TMEM131L: variants seen among roughly 807,000 people sequenced by gnomAD.
The protein encoded by TMEM131L is transmembrane 131 like.
TMEM131L carries 54 observed loss-of-function variants against 192.2 expected under a neutral mutation model. The ratio of observed to expected loss-of-function variants is 0.28; its 90% CI spans 0.23 to 0.35. The LOEUF (loss-of-function observed/expected upper bound fraction) is 0.35, where lower values mean the gene tolerates loss of function less well. TMEM131L is among the 10% of genes least tolerant of loss of function. The pLI, the probability that TMEM131L is intolerant of heterozygous loss-of-function variation, is 1.00. For synonymous variants in TMEM131L, 701 were observed against 704.9 expected (o/e 0.99, Z 0.09); for missense variants, 1,888 against 1,972.9 (o/e 0.96, Z 0.82).
intron 3 of TMEM131L, among the ~76,000 whole-genome samples, chr4:153,486,983 T>C (rs191861563): frequency 6.6e-6 from 1 of 152,190 alleles, no homozygotes; most frequent in Non-Finnish European, 1.5e-5. Flanking sequence ...CGAAGCCTGG[T>C]CCAGGGACCT....
intron 3 of TMEM131L, among the ~76,000 whole-genome samples, chr4:153,475,650 G>A (rs1342067254): frequency 2.0e-5 from 3 of 151,796 alleles, no homozygotes; most frequent in East Asian, 1.9e-4. Context: ...TTCTGCATTC[G>A]TGGATTCAAC....
chr4:153,622,794 A>C (rs1261218442), intron 28 of TMEM131L, 104 bp from the exon 29 acceptor site: 2 of 1,072,086 alleles, frequency 1.9e-6, no homozygotes, highest in Admixed American at 3.6e-5. Context: ...AGGTAGCTGA[A>C]GGTGAACCTG....
chr4:153,612,059 T>C lies in TMEM131L; in HGVS notation c.3419-193T>C, dbSNP rs77113783. On this transcript the variant is annotated intron_variant, in intron 25 of 34. Transcript: ENST00000409959. ...CCCTTGACCTCTTTTAAAGACTTTT[T>C]GTAGAACTCTTAATATAAGTATACT... 2.2e-3 allele frequency among the ~76,000 whole-genome samples: 342 copies of C among 152,334 alleles called. 5 individuals carry two copies. The highest frequency in any genetic ancestry group is 7.5e-3 in the African/African-American group (313 of 41,584).
chr4:153,492,659 T>C (rs1410399272), intron 3 of TMEM131L, among the ~76,000 whole-genome samples: 1 of 152,210 alleles, frequency 6.6e-6, no homozygotes, highest in East Asian at 1.9e-4. Context: ...ATAAACACAG[T>C]CTGTGCTCTG....
At chr4:153,539,351 A>G (rs1580168145) in intron 3 of TMEM131L, among the ~76,000 whole-genome samples, 2 of 152,222 alleles carry the variant, frequency 1.3e-5, no homozygotes, top group South Asian at 2.1e-4. Flanking sequence ...GTTATATTAT[A>G]TAAGTGAGCT....
At chr4:153,611,387 G>T (rs1336542915) in intron 25 of TMEM131L, among the ~76,000 whole-genome samples, 1 of 152,204 alleles carries the variant, frequency 6.6e-6, no homozygotes, top group African/African-American at 2.4e-5. Flanking sequence ...AAACTAATTA[G>T]TGGCTGTCGT....
intron 3 of TMEM131L, among the ~76,000 whole-genome samples, chr4:153,493,190 C>CA (rs1191418424): frequency 6.7e-6 from 1 of 150,082 alleles, no homozygotes; most frequent in African/African-American, 2.5e-5. Context: ...ACTAAAAATA[C>CA]AAAAAATTAG....
intron 7 of TMEM131L, among the ~76,000 whole-genome samples, chr4:153,572,882 C>T (rs1219356388): frequency 6.6e-6 from 1 of 152,204 alleles, no homozygotes; most frequent in Non-Finnish European, 1.5e-5. Flanking sequence ...ATTATTCTCC[C>T]TGGCAACCAC....
chr4:153,578,556 T>C (rs1730119532), intron 7 of TMEM131L, among the ~76,000 whole-genome samples: 1 of 150,044 alleles, frequency 6.7e-6, no homozygotes, highest in Admixed American at 6.6e-5. Context: ...AGTCTCGTTC[T>C]GTCGCCCAGG....
chr4:153,475,193 T>C (rs2149751828), intron 3 of TMEM131L, among the ~76,000 whole-genome samples: 1 of 152,292 alleles, frequency 6.6e-6, no homozygotes, highest in South Asian at 2.1e-4. Flanking sequence ...CCACTCTGAT[T>C]GGATGACAAA....
Position 153,545,290 on chromosome 4 carries a change from CT to C in TMEM131L, c.240-4768del, listed in dbSNP as rs59852943. On this transcript the variant is annotated intron_variant, in intron 3 of 34. Coordinates refer to ENST00000409959, the MANE Select transcript of TMEM131L (RefSeq NM_001131007.2). ...CTCTTGTATCAGCCACTTTTTCAAACTTTTTTTTTTTTTTTGAGATGGAGTC... is the reference window on the plus strand; with the variant it reads ...CTCTTGTATCAGCCACTTTTTCAAACTTTTTTTTTTTTTTGAGATGGAGTC... Among the ~76,000 whole-genome samples, 1,139 of 132,208 alleles carry C rather than the reference CT, an allele frequency of 8.6e-3. 34 individuals are homozygous for C. Among genetic ancestry groups the C allele is most frequent in the African/African-American group, 0.027 (893 of 33,538 alleles). The allele number at this position is 132,208 out of a possible 152,430, so 86.7% of individuals were successfully genotyped here.
At chr4:153,502,182 A>AGTCCTCCCACCTT (rs1262648201) in intron 3 of TMEM131L, among the ~76,000 whole-genome samples, 2 of 152,060 alleles carry the variant, frequency 1.3e-5, no homozygotes, top group Non-Finnish European at 2.9e-5. Context: ...GGGCTCAAGC[A>AGTCCTCCCACCTT]GTCCTCCCAC....
At chr4:153,532,984 C>CTTTTTTTTTTTTTTTT (rs70963190) in intron 3 of TMEM131L, among the ~76,000 whole-genome samples, 33 of 129,676 alleles carry the variant, frequency 2.5e-4, no homozygotes, top group African/African-American at 9.5e-4. Flanking sequence ...TTTCTCAATT[C>CTTTTTTTTTTTTTTTT]TTTTTTTTTT....
chr4:153,534,181 A>T (rs898861378), intron 3 of TMEM131L, among the ~76,000 whole-genome samples: 9 of 152,358 alleles, frequency 5.9e-5, no homozygotes, highest in African/African-American at 2.2e-4. Flanking sequence ...TGTTCTGTAA[A>T]TACAAAACAG....
intron 8 of TMEM131L, among the ~76,000 whole-genome samples, 167 bp downstream of exon 8, chr4:153,581,070 G>A (rs997627336): frequency 3.3e-5 from 5 of 152,156 alleles, no homozygotes; most frequent in South Asian, 4.1e-4. Context: ...TGGCTAACAC[G>A]GTGAAACTCC....
chr4:153,618,633 A>C (rs1391184833), intron 26 of TMEM131L, among the ~76,000 whole-genome samples: 1 of 152,172 alleles, frequency 6.6e-6, no homozygotes, highest in Admixed American at 6.5e-5. Flanking sequence ...CAGAGAGGCT[A>C]AGTAACTTGC....
At chr4:153,478,809 G>T (rs566470811) in intron 3 of TMEM131L, among the ~76,000 whole-genome samples, 2 of 152,176 alleles carry the variant, frequency 1.3e-5, no homozygotes, top group African/African-American at 4.8e-5. Flanking sequence ...ATTAACATTT[G>T]TTTACACATT....
rs187172151 is a variant in TMEM131L at position 153,585,816 on chromosome 4, T to C, written c.1311+205T>C. ...TTTTAGGAGACTTCTCTTTCTCTCT[T>C]TTTAAAAAACTGTTTTTAAAAGAGC... is the stretch of plus-strand genomic sequence containing the variant. On this transcript the variant is annotated intron_variant, in intron 13 of 34. Coordinates refer to ENST00000409959, the MANE Select transcript of TMEM131L (RefSeq NM_001131007.2). Among the ~76,000 whole-genome samples the C allele has an allele frequency of 1.2e-3, 187 of 152,282 alleles. 1 individual carries two copies. Among genetic ancestry groups the C allele is most frequent in the Middle Eastern group, 3.4e-3 (1 of 294 alleles).
At chr4:153,570,961 C>T (rs567644112) in intron 7 of TMEM131L, among the ~76,000 whole-genome samples, 91 of 152,124 alleles carry the variant, frequency 6.0e-4, no homozygotes, top group Non-Finnish European at 1.1e-3. Flanking sequence ...GCTTGTTCTC[C>T]ACTGTTCAAT....
Sources: allele counts gnomAD v4.1 joint callset (sites outside exome capture counted in the v4.1 genomes callset), GRCh38; gene constraint gnomAD v4.1.1; transcripts MANE v1.5; gene names NCBI Gene and HGNC (gene_info 2026-07-23, HGNC 2026-07-21).